Variants in FBXL17 observed in about 807,000 individuals in gnomAD.
FBXL17 encodes the protein F-box and leucine rich repeat protein 17.
FBXL17 carries 22 observed loss-of-function variants against 66.2 expected under a neutral mutation model. The ratio of observed to expected loss-of-function variants is 0.33; its 90% CI spans 0.24 to 0.47. The LOEUF is 0.47. Ranked by LOEUF, FBXL17 falls within the 20% of genes least tolerant of loss-of-function variation. The pLI, the probability that FBXL17 is intolerant of heterozygous loss-of-function variation, is 1.00. For synonymous variants in FBXL17, 474 were observed against 400.5 expected (o/e 1.18, Z -2.19); for missense variants, 878 against 948.2 (o/e 0.93, Z 0.97).
intron 4 of FBXL17, among the ~76,000 whole-genome samples, chr5:108,335,545 G>C (rs953228276): frequency 1.3e-5 from 2 of 151,996 alleles, no homozygotes; most frequent in Non-Finnish European, 2.9e-5. Context: ...CCAATAACTG[G>C]AAGTTCATTT....
intron 7 of FBXL17, among the ~76,000 whole-genome samples, chr5:107,881,845 C>G (rs1748804172): frequency 6.6e-6 from 1 of 152,140 alleles, no homozygotes; most frequent in Non-Finnish European, 1.5e-5. Context: ...AAAATGAAGC[C>G]TGTCGTCTGT....
intron 4 of FBXL17, among the ~76,000 whole-genome samples, chr5:108,333,935 T>A (rs1441152806): frequency 6.6e-6 from 1 of 152,220 alleles, no homozygotes; most frequent in African/African-American, 2.4e-5. Context: ...CCAAGCTCAG[T>A]ACTATGCACT....
chr5:108,230,689 A>C (rs995225070), intron 4 of FBXL17, among the ~76,000 whole-genome samples: 5 of 151,294 alleles, frequency 3.3e-5, no homozygotes, highest in Non-Finnish European at 5.9e-5. Context: ...TCATATAACT[A>C]AATACCACCT....
intron 6 of FBXL17, among the ~76,000 whole-genome samples, chr5:108,078,863 T>C (rs1386592494): frequency 6.6e-6 from 1 of 152,206 alleles, no homozygotes; most frequent in African/African-American, 2.4e-5. Flanking sequence ...TGTGTGATGT[T>C]CCCTGTGTCC....
intron 7 of FBXL17, among the ~76,000 whole-genome samples, chr5:107,907,868 A>G (rs1216140340): frequency 6.6e-6 from 1 of 152,052 alleles, no homozygotes. Context: ...TAGTTCAACC[A>G]TTGTGGAAGT....
At chr5:108,356,642 C>T (rs1428947685) in intron 3 of FBXL17, among the ~76,000 whole-genome samples, 1 of 151,934 alleles carries the variant, frequency 6.6e-6, no homozygotes, top group Non-Finnish European at 1.5e-5. Context: ...ACAATAAAAA[C>T]ATCAGGGGTT....
intron 4 of FBXL17, among the ~76,000 whole-genome samples, chr5:108,327,944 T>G (rs888376093): frequency 1.3e-5 from 2 of 152,112 alleles, no homozygotes. Flanking sequence ...CAAAATAGAT[T>G]ATATCGTCTC....
intron 6 of FBXL17, among the ~76,000 whole-genome samples, chr5:108,056,285 G>C (rs1747706715): frequency 6.6e-6 from 1 of 152,162 alleles, no homozygotes; most frequent in African/African-American, 2.4e-5. Flanking sequence ...CCTCTGGTCA[G>C]AGACTTGCCT....
At chr5:107,993,256 T>A (rs548245767) in intron 7 of FBXL17, among the ~76,000 whole-genome samples, 2 of 152,298 alleles carry the variant, frequency 1.3e-5, no homozygotes, top group African/African-American at 4.8e-5. Flanking sequence ...TTTTCTCTCA[T>A]GTCTTAATGC....
At chr5:108,037,026 C>T (rs776846688) in intron 6 of FBXL17, among the ~76,000 whole-genome samples, 6 of 152,004 alleles carry the variant, frequency 3.9e-5, no homozygotes, top group Non-Finnish European at 8.8e-5. Flanking sequence ...GAAAAGGCTG[C>T]ATATGTAGAT....
At chr5:108,271,797 G>A (rs972166749) in intron 4 of FBXL17, among the ~76,000 whole-genome samples, 9 of 152,138 alleles carry the variant, frequency 5.9e-5, no homozygotes, top group Admixed American at 2.6e-4. Context: ...GGGAGGAAGC[G>A]TTAAGAATTC....
At chr5:108,309,564 T>C (rs920559301) in intron 4 of FBXL17, among the ~76,000 whole-genome samples, 1 of 152,152 alleles carries the variant, frequency 6.6e-6, no homozygotes, top group Non-Finnish European at 1.5e-5. Context: ...TAAATTAATA[T>C]ATACATTATT....
intron 6 of FBXL17, among the ~76,000 whole-genome samples, chr5:108,146,276 G>T (rs13354786): frequency 0.028 from 4,243 of 150,452 alleles, 182 homozygotes; most frequent in African/African-American, 0.098. Context: ...CAGGATCTTA[G>T]AATGTATATT....
In FBXL17 at chr5:108,308,081, C is replaced by T. The variant is rs540414237; in HGVS notation, c.1506+40318G>A. The stretch of plus-strand genomic sequence containing the variant: ...TTGTTCCTATAAATAGAAACACGAC[C>T]TTGTCCCCATTTTTACCCTAGCTAT... On this transcript the variant is annotated intron_variant, in intron 4 of 8. Coordinates refer to ENST00000542267, the MANE Select transcript of FBXL17 (RefSeq NM_001163315.3). Among the ~76,000 whole-genome samples the T allele has an allele frequency of 1.1e-4, 16 of 152,168 alleles. No homozygotes were observed. The East Asian group carries it at 2.9e-3, about 28-fold the overall frequency.
Position 108,266,364 on chromosome 5 carries a change from T to C in FBXL17, c.1507-42136A>G, listed in dbSNP as rs953118682. Among the ~76,000 whole-genome samples the C allele has an allele frequency of 7.9e-5, 12 of 152,278 alleles. No individual in the cohort carries two copies. The South Asian group carries it at 8.3e-4, about 11-fold the overall frequency. Reference sequence around the variant, plus strand: ...ATATCACTCTGAATACCAAGTATCATGATTAAATCTTGTGCCATCCTGCTC... The same window carrying C: ...ATATCACTCTGAATACCAAGTATCACGATTAAATCTTGTGCCATCCTGCTC... On this transcript the variant is annotated intron_variant, in intron 4 of 8. Transcript: ENST00000542267.
At chr5:107,983,995 G>A (rs1034549965) in intron 7 of FBXL17, among the ~76,000 whole-genome samples, 6 of 152,088 alleles carry the variant, frequency 3.9e-5, no homozygotes, top group South Asian at 2.1e-4. Context: ...AAATGGGGTC[G>A]CCAAGTCTGC....
chr5:108,232,259 T>C (rs940644059), intron 4 of FBXL17, among the ~76,000 whole-genome samples: 8 of 152,190 alleles, frequency 5.3e-5, no homozygotes, highest in African/African-American at 1.9e-4. Flanking sequence ...GTAATGGTAT[T>C]TGGGTTGGGG....
In FBXL17 at chr5:108,129,754, T is replaced by C. The variant is rs1176006115; in HGVS notation, c.1745+56363A>G. ...GATTGCTAAAATCAATTCTAAAACC[T>C]GAATAGAACAAAGATTTTCAAAATA... On this transcript the variant is annotated intron_variant, in intron 6 of 8. Coordinates refer to ENST00000542267, the MANE Select transcript of FBXL17 (RefSeq NM_001163315.3). 2.0e-5 allele frequency among the ~76,000 whole-genome samples: 3 copies of C among 151,420 alleles called. No individual in the cohort carries two copies. The Admixed American group carries it at 2.0e-4, about 10-fold the overall frequency.
intron 8 of FBXL17, among the ~76,000 whole-genome samples, chr5:107,864,969 A>G (rs1391115765): frequency 6.6e-6 from 1 of 152,210 alleles, no homozygotes; most frequent in African/African-American, 2.4e-5. Flanking sequence ...CCATAAACAA[A>G]CAAAAGCATG....
Sources: gnomAD v4.1 joint callset for allele counts (sites outside exome capture counted in the v4.1 genomes callset) on GRCh38, gnomAD v4.1.1 for gene constraint, MANE v1.5 for transcripts, NCBI Gene and HGNC (gene_info 2026-07-23, HGNC 2026-07-21) for gene names.